MEIS2: variants seen among roughly 807,000 people sequenced by gnomAD.
MEIS2 encodes Meis homeobox 2.
A neutral mutation model predicts 58.6 loss-of-function variants in MEIS2; 9 were observed. That is an observed-to-expected ratio of 0.15 (90% CI 0.09 to 0.27). The LOEUF is 0.27. Ranked by LOEUF, MEIS2 falls within the 10% of genes least tolerant of loss-of-function variation. The pLI, the probability that MEIS2 is intolerant of heterozygous loss-of-function variation, is 1.00. For synonymous variants in MEIS2, 221 were observed against 228.4 expected (o/e 0.97, Z 0.29); for missense variants, 427 against 635.0 (o/e 0.67, Z 3.52).
intron 7 of MEIS2, among the ~76,000 whole-genome samples, chr15:37,041,618 C>G (rs1037090469): frequency 6.6e-6 from 1 of 152,122 alleles, no homozygotes; most frequent in Admixed American, 6.5e-5. Context: ...ATACCATCGG[C>G]ATCTGGGTGT....
chr15:36,903,425 T>C (rs1320015237), intron 9 of MEIS2, among the ~76,000 whole-genome samples: 2 of 152,362 alleles, frequency 1.3e-5, no homozygotes, highest in East Asian at 3.9e-4. Context: ...TACCTCATCC[T>C]GTACATGATT....
intron 7 of MEIS2, among the ~76,000 whole-genome samples, chr15:37,043,877 G>A (rs531120873): frequency 6.6e-5 from 10 of 151,976 alleles, no homozygotes; most frequent in South Asian, 2.1e-4. Context: ...TAGTAGAGAC[G>A]GGGTTTCACC....
At chr15:36,978,273 G>A (rs1448601542) in intron 8 of MEIS2, among the ~76,000 whole-genome samples, 1 of 152,228 alleles carries the variant, frequency 6.6e-6, no homozygotes, top group Non-Finnish European at 1.5e-5. Context: ...CAGAGACTGT[G>A]TGTTAGGTGA....
intron 6 of MEIS2, 79 bp from the exon 7 acceptor site, chr15:37,083,964 A>G (rs1247496147): frequency 8.2e-7 from 1 of 1,225,776 alleles, no homozygotes; most frequent in East Asian, 2.3e-5. Context: ...ACGGCACAGA[A>G]AGAGACAAAA....
rs542753144 is a variant in MEIS2, at chr15:36,974,545, A to G, written c.901-24145T>C. Among the ~76,000 whole-genome samples the G allele has an allele frequency of 5.9e-5, 9 of 152,350 alleles. No individual in the cohort carries two copies. In the South Asian group the frequency reaches 1.7e-3, roughly 28 times the overall value. ...AGCAAAAAAGCAATTTTCCTAATAGAAGGCATTTAATCACGTTGAAATAAG... is the reference window on the plus strand; with the variant it reads ...AGCAAAAAAGCAATTTTCCTAATAGGAGGCATTTAATCACGTTGAAATAAG... On this transcript the variant is annotated intron_variant, in intron 8 of 11. Coordinates refer to ENST00000561208, the MANE Select transcript of MEIS2 (RefSeq NM_170675.5).
intron 8 of MEIS2, among the ~76,000 whole-genome samples, chr15:37,025,079 T>A (rs958301296): frequency 2.6e-5 from 4 of 152,178 alleles, no homozygotes; most frequent in African/African-American, 9.7e-5. Context: ...TAGGATTTGA[T>A]CCCCATTCCA....
intron 8 of MEIS2, among the ~76,000 whole-genome samples, chr15:37,001,736 T>G (rs1041953303): frequency 6.6e-6 from 1 of 152,200 alleles, no homozygotes; most frequent in African/African-American, 2.4e-5. Flanking sequence ...TGCACTATAT[T>G]ATTTATTTAA....
chr15:37,099,165 T>C (rs1202989884), intron 1 of MEIS2: 2 of 1,236,844 alleles, frequency 1.6e-6, no homozygotes, highest in Non-Finnish European at 2.0e-6. Context: ...CGTGTAACGA[T>C]TGCACACGCA....
intron 9 of MEIS2, among the ~76,000 whole-genome samples, chr15:36,925,602 T>A (rs934495178): frequency 1.3e-5 from 2 of 152,248 alleles, no homozygotes; most frequent in Non-Finnish European, 2.9e-5. Flanking sequence ...GCAGTAATCC[T>A]CTGCTATACT....
intron 8 of MEIS2, among the ~76,000 whole-genome samples, chr15:36,996,020 TGTGTATATATATAC>T (rs1323960393): frequency 2.2e-4 from 18 of 81,968 alleles, no homozygotes; most frequent in African/African-American, 5.2e-4. Context: ...TATATACATA[TGTGTATATATATAC>T]ACACACACAC....
intron 8 of MEIS2, among the ~76,000 whole-genome samples, chr15:36,968,260 A>C (rs1442963556): frequency 1.3e-5 from 2 of 152,222 alleles, no homozygotes; most frequent in Non-Finnish European, 2.9e-5. Context: ...TTCTAAAAAA[A>C]TCATACGGAG....
At chr15:37,075,195 C>G (rs561318525) in intron 7 of MEIS2, among the ~76,000 whole-genome samples, 1 of 152,110 alleles carries the variant, frequency 6.6e-6, no homozygotes, top group South Asian at 2.1e-4. Flanking sequence ...TTAAAGACAT[C>G]CATCTATACA....
chr15:37,038,301 G>A (rs548041700), intron 7 of MEIS2, among the ~76,000 whole-genome samples: 4 of 152,182 alleles, frequency 2.6e-5, no homozygotes, highest in Admixed American at 1.3e-4. Flanking sequence ...CCCTCCTCTC[G>A]GACTATGCTA....
At chr15:37,086,915 T>C (rs1360987909) in intron 6 of MEIS2, among the ~76,000 whole-genome samples, 1 of 152,192 alleles carries the variant, frequency 6.6e-6, no homozygotes, top group Non-Finnish European at 1.5e-5. Context: ...TTTTAACAAT[T>C]TGTTTTCCCT....
intron 7 of MEIS2, among the ~76,000 whole-genome samples, chr15:37,050,022 A>G (rs998695705): frequency 5.6e-4 from 85 of 152,340 alleles, no homozygotes; most frequent in African/African-American, 2.0e-3. Flanking sequence ...AAAGATATGC[A>G]TTATAGAATA....
intron 8 of MEIS2, among the ~76,000 whole-genome samples, chr15:37,023,911 C>CT (rs35244111): frequency 0.086 from 8,735 of 101,388 alleles, 382 homozygotes; most frequent in East Asian, 0.21. Flanking sequence ...TTTTCTCTCT[C>CT]TTTTTTTTTT....
chr15:36,923,907 G>C (rs2057628681), intron 9 of MEIS2, among the ~76,000 whole-genome samples: 1 of 152,198 alleles, frequency 6.6e-6, no homozygotes, highest in Non-Finnish European at 1.5e-5. Context: ...AGGGGCTGCA[G>C]AGAATTCAGT....
intron 9 of MEIS2, among the ~76,000 whole-genome samples, chr15:36,927,606 G>A (rs148236423): frequency 3.3e-5 from 5 of 151,012 alleles, no homozygotes; most frequent in African/African-American, 9.9e-5. Context: ...GCATCTTGAC[G>A]TTAACACCTT....
intron 8 of MEIS2, among the ~76,000 whole-genome samples, chr15:37,029,805 T>G (rs1403843566): frequency 6.6e-6 from 1 of 152,132 alleles, no homozygotes; most frequent in Admixed American, 6.5e-5. Flanking sequence ...TCAGAGAGGT[T>G]GAATAATATC....
Sources: gnomAD v4.1 joint callset for allele counts (sites outside exome capture counted in the v4.1 genomes callset) on GRCh38, gnomAD v4.1.1 for gene constraint, MANE v1.5 for transcripts, NCBI Gene and HGNC (gene_info 2026-07-23, HGNC 2026-07-21) for gene names.